COL23A1: variants seen among roughly 807,000 people sequenced by gnomAD.
The protein encoded by COL23A1 is collagen alpha-1(XXIII) chain.
Under a neutral mutation model 99.3 loss-of-function variants are expected in COL23A1, and 97 were observed. The ratio of observed to expected loss-of-function variants is 0.98; its 90% confidence interval spans 0.83 to 1.16. The LOEUF (loss-of-function observed/expected upper bound fraction) is 1.16, where lower values mean the gene tolerates loss of function less well. COL23A1 is among the 50% of genes most tolerant of loss of function. The pLI is 0.00. For synonymous variants in COL23A1, 320 were observed against 308.2 expected (o/e 1.04, Z -0.40); for missense variants, 762 against 757.4 (o/e 1.01, Z -0.07).
At chr5:178,493,015 G>A (rs1446432593) in intron 2 of COL23A1, among the ~76,000 whole-genome samples, 3 of 152,202 alleles carry the variant, frequency 2.0e-5, no homozygotes, top group African/African-American at 4.8e-5. Flanking sequence ...GATCTGTTAA[G>A]GAAAGCTTTA....
intron 2 of COL23A1, among the ~76,000 whole-genome samples, chr5:178,318,979 G>A (rs1759133002): frequency 6.6e-6 from 1 of 152,120 alleles, no homozygotes; most frequent in Admixed American, 6.5e-5. Flanking sequence ...CTGTAGCCAG[G>A]TGAAGGCAGG....
intron 2 of COL23A1, among the ~76,000 whole-genome samples, chr5:178,553,568 C>T (rs1169320437): frequency 1.3e-5 from 2 of 152,192 alleles, no homozygotes; most frequent in South Asian, 2.1e-4. Context: ...AAAAAGAAAA[C>T]GAAAAGGATG....
chr5:178,552,815 G>T (rs1280292655), intron 2 of COL23A1, among the ~76,000 whole-genome samples: 1 of 151,884 alleles, frequency 6.6e-6, no homozygotes, highest in Non-Finnish European at 1.5e-5. Context: ...CCGGGTTCAA[G>T]TGATTCTCCT....
chr5:178,432,991 T>C (rs1292185801), intron 2 of COL23A1, among the ~76,000 whole-genome samples: 1 of 152,084 alleles, frequency 6.6e-6, no homozygotes, highest in East Asian at 1.9e-4. Flanking sequence ...GAGACCATGG[T>C]AGCTGGAGTT....
intron 2 of COL23A1, among the ~76,000 whole-genome samples, chr5:178,454,756 C>T (rs1767673023): frequency 1.3e-5 from 2 of 152,242 alleles, no homozygotes; most frequent in South Asian, 4.1e-4. Context: ...GAGTGAATTC[C>T]ACGCCGGTGT....
intron 2 of COL23A1, among the ~76,000 whole-genome samples, chr5:178,465,330 G>C (rs1756356951): frequency 6.6e-6 from 1 of 152,160 alleles, no homozygotes; most frequent in Admixed American, 6.5e-5. Context: ...GGGTGCAAAA[G>C]CCTGACATTC....
intron 2 of COL23A1, among the ~76,000 whole-genome samples, chr5:178,379,812 C>T (rs764176680): frequency 2.0e-5 from 3 of 150,064 alleles, no homozygotes; most frequent in Non-Finnish European, 4.4e-5. Flanking sequence ...ACCCAGGAGG[C>T]GGAGGTTGCG....
At chr5:178,586,046 G>A (rs1763987449) in intron 1 of COL23A1, among the ~76,000 whole-genome samples, 1 of 152,146 alleles carries the variant, frequency 6.6e-6, no homozygotes, top group South Asian at 2.1e-4. Context: ...GCTACTCTTG[G>A]GTGAAGACAT....
intron 2 of COL23A1, among the ~76,000 whole-genome samples, chr5:178,514,447 A>G (rs1239276249): frequency 1.8e-4 from 27 of 152,224 alleles, no homozygotes; most frequent in Admixed American, 1.8e-3. Context: ...GCTGGATCAT[A>G]TGATAGTTCC....
At chr5:178,433,066 C>T (rs764885917) in intron 2 of COL23A1, among the ~76,000 whole-genome samples, 5 of 152,034 alleles carry the variant, frequency 3.3e-5, no homozygotes, top group Non-Finnish European at 7.4e-5. Flanking sequence ...GTGTCTTTTC[C>T]ATCCTCCTTC....
chr5:178,239,291 A>C, intron 27 of COL23A1, 112 bp from the exon 28 acceptor site: 3 of 1,216,896 alleles, frequency 2.5e-6, no homozygotes, highest in Non-Finnish European at 3.6e-6. Flanking sequence ...CGGCCATGTG[A>C]GACTGCTGGG....
At chr5:178,585,698 C>T (rs75378392) in intron 1 of COL23A1, among the ~76,000 whole-genome samples, 14 of 151,804 alleles carry the variant, frequency 9.2e-5, no homozygotes, top group Admixed American at 2.6e-4. Context: ...GGGGTAATGC[C>T]CTACAGCCCT....
At chr5:178,585,690 G>A (rs878983354) in intron 1 of COL23A1, among the ~76,000 whole-genome samples, 2 of 152,180 alleles carry the variant, frequency 1.3e-5, no homozygotes, top group South Asian at 2.1e-4. Flanking sequence ...ATGGCGCTGG[G>A]GTAATGCCCT....
At chr5:178,326,674 T>C (rs1055314857) in intron 2 of COL23A1, among the ~76,000 whole-genome samples, 2 of 152,218 alleles carry the variant, frequency 1.3e-5, no homozygotes, top group African/African-American at 4.8e-5. Context: ...CCCCACCTCA[T>C]CATTCATCCA....
intron 2 of COL23A1, among the ~76,000 whole-genome samples, chr5:178,325,026 CT>C (rs1158963516): frequency 1.3e-5 from 2 of 151,898 alleles, no homozygotes; most frequent in Admixed American, 6.5e-5. Context: ...GCCACTATCA[CT>C]ATTCCCAGCT....
At chr5:178,256,749 C>A in intron 14 of COL23A1, 117 bp downstream of exon 14, 1 of 1,005,090 alleles carries the variant, frequency 9.9e-7, no homozygotes, top group Non-Finnish European at 1.5e-6. Context: ...ACCCCTGGGT[C>A]AGGCCCTCCT....
At chr5:178,491,112 G>A (rs1268581856) in intron 2 of COL23A1, among the ~76,000 whole-genome samples, 2 of 151,632 alleles carry the variant, frequency 1.3e-5, no homozygotes, top group African/African-American at 4.8e-5. Flanking sequence ...GGGAAAGAGA[G>A]AGGAGACACG....
intron 15 of COL23A1, 144 bp downstream of exon 15, chr5:178,256,209 G>C (rs1019090060): frequency 1.9e-6 from 1 of 530,308 alleles, no homozygotes; most frequent in Non-Finnish European, 3.1e-6. Context: ...CAAAAATCAC[G>C]AATAAATGAG....
At chr5:178,426,962 C>T (rs1369530375) in intron 2 of COL23A1, among the ~76,000 whole-genome samples, 3 of 152,048 alleles carry the variant, frequency 2.0e-5, no homozygotes, top group Admixed American at 1.3e-4. Context: ...TTTGGGAGGC[C>T]GAGGCAGGTG....
Sources: allele counts gnomAD v4.1 joint callset (sites outside exome capture counted in the v4.1 genomes callset), GRCh38; gene constraint gnomAD v4.1.1; transcripts MANE v1.5; gene names NCBI Gene and HGNC (gene_info 2026-07-23, HGNC 2026-07-21).